CD209: variants seen among roughly 807,000 people sequenced by gnomAD.
CD209 encodes the protein CD209 antigen.
Under a neutral mutation model 44.7 loss-of-function variants are expected in CD209, and 31 were observed. The ratio of observed to expected loss-of-function variants is 0.69; its 90% confidence interval spans 0.52 to 0.94. The LOEUF is 0.94. Among genes scored for constraint, CD209 ranks in the 40% least tolerant of loss-of-function variants. CD209 has a pLI of 0.00. For missense variants in CD209, 407 were observed against 452.4 expected (o/e 0.90, Z 0.91); for synonymous variants, 173 against 181.3 (o/e 0.95, Z 0.37).
rs923550309 is a variant in CD209, at chr19:7,740,954, G to T, written c.*2085C>A. The T allele has an allele frequency of 2.0e-4, 141 of 715,250 alleles. No individual in the cohort carries two copies. The highest frequency in any genetic ancestry group is 2.7e-4 in the Non-Finnish European group (106 of 391,952). The allele number at this position is 715,250 out of a possible 1,614,324, so 44.3% of individuals were successfully genotyped here. On this transcript the variant is annotated 3_prime_UTR_variant, in exon 7 of 7. Transcript: ENST00000315599. Reference sequence around the variant, plus strand: ...GTCATGGAGAAGGATGGAGTTAATTGTCCCTTCTACAGTAAAACAGGAGCT... The same window carrying T: ...GTCATGGAGAAGGATGGAGTTAATTTTCCCTTCTACAGTAAAACAGGAGCT...
Position 7,746,507 on chromosome 19 carries a change from A to T in CD209, c.131T>A (p.Val44Glu), listed in dbSNP as rs772448797. 6 of 1,613,800 alleles carry T rather than the reference A, an allele frequency of 3.7e-6. No individual in the cohort carries two copies. Among genetic ancestry groups the T allele is most frequent in the Non-Finnish European group, 4.2e-6 (5 of 1,179,798 alleles). Reference protein sequence around the residue: ...LAGCLGHGPLVLQLLSFTLLA... With the variant: ...LAGCLGHGPLELQLLSFTLLA... ...GAGCGTGAAGGAGAGGAGTTGCAGCACCAGGGGACCATGGCCAAGACACCC... is the reference window on the plus strand; with the variant it reads ...GAGCGTGAAGGAGAGGAGTTGCAGCTCCAGGGGACCATGGCCAAGACACCC... The change falls in exon 3 of 7, where the codon GTG (valine) becomes GAG (glutamate). Residue 44 changes from valine to glutamate, a missense_variant. Transcript: ENST00000315599.
chr19:7,741,543 G>A lies in CD209; in HGVS notation c.*1496C>T, dbSNP rs1220141490. ...CGTGGGGAGAGTGATTCAGTTCAAGGTCAGTTGCAACTTGGAACCTCACCT... is the reference window on the plus strand; with the variant it reads ...CGTGGGGAGAGTGATTCAGTTCAAGATCAGTTGCAACTTGGAACCTCACCT... On this transcript the variant is annotated 3_prime_UTR_variant, in exon 7 of 7. Coordinates refer to ENST00000315599, the MANE Select transcript of CD209 (RefSeq NM_021155.4). 3 of 621,702 alleles carry A rather than the reference G, an allele frequency of 4.8e-6. No homozygotes were observed. The highest frequency in any genetic ancestry group is 9.3e-6 in the Non-Finnish European group (3 of 321,630). The allele number at this position is 621,702 out of a possible 1,614,324, so 38.5% of individuals were successfully genotyped here.
intron 5 of CD209, 129 bp downstream of exon 5, chr19:7,744,812 A>C: frequency 7.6e-7 from 1 of 1,308,210 alleles, no homozygotes; most frequent in East Asian, 2.4e-5. Flanking sequence ...TCCCTCATTC[A>C]TATCCTTCTC....
At chr19:7,744,017 C>G (rs1298940881) in intron 6 of CD209, 90 bp downstream of exon 6, 1 of 1,084,088 alleles carries the variant, frequency 9.2e-7, no homozygotes, top group Non-Finnish European at 1.4e-6. Flanking sequence ...TCTAGGGTGT[C>G]AGGGAGTTGG....
rs1050574558 is a variant in CD209 at position 7,744,339 on chromosome 19, G to A, written c.901-120C>T. The stretch of plus-strand genomic sequence containing the variant: ...AACCTACAGCCTTCTGGTATACTAG[G>A]TCCTGAGCCCCCTCGTGTCTGAGTC... On this transcript the variant is annotated intron_variant, in intron 5 of 6. Coordinates refer to ENST00000315599, the MANE Select transcript of CD209 (RefSeq NM_021155.4). 9.7e-6 allele frequency: 7 copies of A among 719,912 alleles called. No homozygotes were observed. The Admixed American group carries it at 1.7e-4, about 17-fold the overall frequency. The allele number at this position is 719,912 out of a possible 1,614,324, so 44.6% of individuals were successfully genotyped here. A position where few individuals can be genotyped will look rare whatever the true frequency, so the allele number is the denominator to read the frequency against.
chr19:7,742,718 A>G lies in CD209; in HGVS notation c.*321T>C, dbSNP rs1235122535. 1 of 356,416 alleles carries G rather than the reference A, an allele frequency of 2.8e-6. No homozygotes were observed. Among genetic ancestry groups the G allele is most frequent in the East Asian group, 5.3e-5 (1 of 18,762 alleles). The allele number at this position is 356,416 out of a possible 1,614,324, so 22.1% of individuals were successfully genotyped here. On this transcript the variant is annotated 3_prime_UTR_variant, in exon 7 of 7. Coordinates refer to ENST00000315599, the MANE Select transcript of CD209 (RefSeq NM_021155.4). ...GAAGTTGAACAGATGGTAGGTTTGC[A>G]TGTATAAGATAACGCCCCAGGGGAC...
chr19:7,742,979 T>G lies in CD209; in HGVS notation c.*60A>C. 7.6e-7 allele frequency: 1 copy of G among 1,324,178 alleles called. No individual in the cohort carries two copies. The highest frequency in any genetic ancestry group is 1.1e-6 in the Non-Finnish European group (1 of 920,256). The allele number at this position is 1,324,178 out of a possible 1,614,324, so 82.0% of individuals were successfully genotyped here. ...ATCTGACAAAGAACAGTCCCAGAGA[T>G]TTTGTGAAGGTCGAAGGATGGAGAG... is the stretch of plus-strand genomic sequence containing the variant. On this transcript the variant is annotated 3_prime_UTR_variant, in exon 7 of 7. Transcript: ENST00000315599.
rs182787324 is a variant in CD209 at position 7,745,387 on chromosome 19, A to G, written c.748+131T>C. ...TGGCCCACTGTGAACACTGAGGGCAATGATCACAGTTACCCTGTGTTCTCA... is the reference window on the plus strand; with the variant it reads ...TGGCCCACTGTGAACACTGAGGGCAGTGATCACAGTTACCCTGTGTTCTCA... On this transcript the variant is annotated intron_variant, in intron 4 of 6. Coordinates refer to ENST00000315599, the MANE Select transcript of CD209 (RefSeq NM_021155.4). The G allele has an allele frequency of 1.2e-4, 183 of 1,531,318 alleles. No homozygotes were observed. In the East Asian group the frequency reaches 3.9e-3, roughly 33 times the overall value. 94.9% of individuals were successfully genotyped at this position (1,531,318 alleles called of 1,614,324 possible).
At position 7,743,119 on chromosome 19, in the gene CD209, T is replaced by A. The variant is rs1196424523; in HGVS notation, c.1135A>T (p.Lys379Ter). The change falls in exon 7 of 7, where the codon AAG becomes TAG. Residue 379 changes from lysine (K) to a stop codon, truncating the protein, a stop_gained. Transcript: ENST00000315599. LOFTEE classifies it low-confidence loss of function (END_TRUNC). Reference sequence around the variant, plus strand: ...TCCCTGGAGCAGGAGGCTGCGGACTTTTTGCAGATCCAGAATTTGGCAAGA... The same window carrying A: ...TCCCTGGAGCAGGAGGCTGCGGACTATTTGCAGATCCAGAATTTGGCAAGA... ...CNLAKFWICK[K>*]SAASCSRDEE... 1.2e-6 allele frequency: 2 copies of A among 1,614,178 alleles called. No homozygotes were observed. Among genetic ancestry groups the A allele is most frequent in the African/African-American group, 2.7e-5 (2 of 75,028 alleles).
chr19:7,746,542 A>G lies in CD209; in HGVS notation c.107-11T>C. The G allele has an allele frequency of 6.2e-7, 1 of 1,613,414 alleles. No homozygotes were observed. Among genetic ancestry groups the G allele is most frequent in the Non-Finnish European group, 8.5e-7 (1 of 1,179,486 alleles). The stretch of plus-strand genomic sequence containing the variant: ...CATGGCCAAGACACCCTGAGAGAGG[A>G]TACATGCGTCAGCCTGCCAGTGTCC... On this transcript the variant is annotated splice_polypyrimidine_tract_variant and intron_variant, in intron 2 of 6. Transcript: ENST00000315599.
Position 7,741,302 on chromosome 19 carries a change from T to C in CD209, c.*1737A>G. On this transcript the variant is annotated 3_prime_UTR_variant, in exon 7 of 7. Coordinates refer to ENST00000315599, the MANE Select transcript of CD209 (RefSeq NM_021155.4). ...CTGGTCAACATGTTGAAACCCCGTC[T>C]CTACCAAAAATACAAGAATTAGCTG... The C allele has an allele frequency of 2.5e-6, 1 of 397,606 alleles. No individual in the cohort carries two copies. Among genetic ancestry groups the C allele is most frequent in the East Asian group, 5.4e-5 (1 of 18,536 alleles). 24.6% of individuals were successfully genotyped at this position (397,606 alleles called of 1,614,324 possible).
chr19:7,741,163 C>G lies in CD209; in HGVS notation c.*1876G>C. ...GTTCCTAGATTTCTGTGAGGATGTG[C>G]TGCCCGAGTTCAAGAACGTGGGGAG... On this transcript the variant is annotated 3_prime_UTR_variant, in exon 7 of 7. Coordinates refer to ENST00000315599, the MANE Select transcript of CD209 (RefSeq NM_021155.4). 3 of 1,008,348 alleles carry G rather than the reference C, an allele frequency of 3.0e-6. No individual in the cohort carries two copies. The highest frequency in any genetic ancestry group is 4.4e-6 in the Non-Finnish European group (3 of 685,128). The allele number at this position is 1,008,348 out of a possible 1,614,324, so 62.5% of individuals were successfully genotyped here. A position where few individuals can be genotyped will look rare whatever the true frequency, so the allele number is the denominator to read the frequency against.
intron 6 of CD209, 111 bp from the exon 7 acceptor site, chr19:7,743,351 A>C (rs2033680550): frequency 3.2e-6 from 3 of 932,066 alleles, no homozygotes; most frequent in Admixed American, 3.6e-5. Context: ...TGTATGCTGG[A>C]CTTGAATCCC....
At chr19:7,743,264 A>AGC in intron 6 of CD209, 24 bp from the exon 7 acceptor site, 1 of 1,602,156 alleles carries the variant, frequency 6.2e-7, no homozygotes, top group Non-Finnish European at 8.6e-7. Context: ...GCGGAATGTG[A>AGC]GCCTCTGTCC....
rs1383713599 is a variant in CD209, at chr19:7,740,275, C to T, written c.*2764G>A. On this transcript the variant is annotated 3_prime_UTR_variant, in exon 7 of 7. Transcript: ENST00000315599. Reference sequence around the variant, plus strand: ...CACTTAGGTTCCACGTGGATTTGCACGCTTCGTTCATCTGGACATGCCCAG... The same window carrying T: ...CACTTAGGTTCCACGTGGATTTGCATGCTTCGTTCATCTGGACATGCCCAG... 4 of 438,260 alleles carry T rather than the reference C, an allele frequency of 9.1e-6. No individual in the cohort carries two copies. Among genetic ancestry groups the T allele is most frequent in the Non-Finnish European group, 1.7e-5 (4 of 239,122 alleles). 27.1% of individuals were successfully genotyped at this position (438,260 alleles called of 1,614,324 possible). A position where few individuals can be genotyped will look rare whatever the true frequency, so the allele number is the denominator to read the frequency against.
In CD209 at chr19:7,742,984, TGAAGGTC is replaced by T; in HGVS notation, c.*48_*54del. ...ACAAAGAACAGTCCCAGAGATTTTG[TGAAGGTC>T]GAAGGATGGAGAGAAGGAACTGTAG... On this transcript the variant is annotated 3_prime_UTR_variant, in exon 7 of 7. Transcript: ENST00000315599. 1 of 1,358,534 alleles carries T rather than the reference TGAAGGTC, an allele frequency of 7.4e-7. No homozygotes were observed. The highest frequency in any genetic ancestry group is 1.0e-6 in the Non-Finnish European group (1 of 953,242). The allele number at this position is 1,358,534 out of a possible 1,614,324, so 84.2% of individuals were successfully genotyped here. A position where few individuals can be genotyped will look rare whatever the true frequency, so the allele number is the denominator to read the frequency against.
Position 7,744,975 on chromosome 19 carries a change from GC to G in CD209, c.865del (p.Ala289ProfsTer5), listed in dbSNP as rs2033753436. 1 of 1,614,204 alleles carries G rather than the reference GC, an allele frequency of 6.2e-7. No individual in the cohort carries two copies. On this transcript the variant is annotated frameshift_variant, in exon 5 of 7. Coordinates refer to ENST00000315599, the MANE Select transcript of CD209 (RefSeq NM_021155.4). LOFTEE classifies it high-confidence loss of function. ...DSITACKEVG[A>X]QLVVIKSAEE... ...AGCACTTTTGATTACGACGAGCTGG[GC>G]CCCCACTTCTTTGCAGGCGGTGATG...
Position 7,741,481 on chromosome 19 carries a change from AC to A in CD209, c.*1557del. On this transcript the variant is annotated 3_prime_UTR_variant, in exon 7 of 7. Transcript: ENST00000315599. ...CACTCCAGCCTGGCGACAGAGCAAG[AC>A]CCCATCTTTAAAAAAAAATAGTAAT... 1 of 508,128 alleles carries A rather than the reference AC, an allele frequency of 2.0e-6. No individual in the cohort carries two copies. The highest frequency in any genetic ancestry group is 1.7e-5 in the South Asian group (1 of 58,712). 31.5% of individuals were successfully genotyped at this position (508,128 alleles called of 1,614,324 possible). A position where few individuals can be genotyped will look rare whatever the true frequency, so the allele number is the denominator to read the frequency against.
Position 7,745,761 on chromosome 19 carries a change from T to G in CD209, c.505A>C (p.Ile169Leu). The G allele has an allele frequency of 6.2e-7, 1 of 1,604,466 alleles. No individual in the cohort carries two copies. The highest frequency in any genetic ancestry group is 2.2e-5 in the East Asian group (1 of 44,726). The change falls in exon 4 of 7, where the codon ATC (isoleucine) becomes CTC (leucine). Residue 169 changes from isoleucine (I) to leucine (L), a missense_variant. Ile to Leu is a conservative substitution (Grantham distance 5). Around this residue, in one of 3 missense-constraint regions of CD209, gnomAD observed 85 missense variants for 139.9 expected, o/e 0.61. Transcript: ENST00000315599. ...TTCAGCCGAGTCAGCTCCTGGTAGA[T>G]CTCCTGCATCTTAGATTTCTCTGGA... is the stretch of plus-strand genomic sequence containing the variant. ...ELPEKSKMQE[I>L]YQELTRLKAA...
Sources: gnomAD v4.1 joint callset for allele counts on GRCh38, gnomAD v4.1.1 for gene constraint, gnomAD v4.1.1 regional missense constraint, MANE v1.5 for transcripts, NCBI Gene and HGNC (gene_info 2026-07-23, HGNC 2026-07-21) for gene names.